DEPDC7: variants seen among roughly 807,000 people sequenced by gnomAD.
DEPDC7 encodes DEP domain containing 7.
A neutral mutation model predicts 56.6 loss-of-function variants in DEPDC7; 41 were observed. The observed-to-expected ratio is 0.72, with a 90% CI of 0.56 to 0.94. DEPDC7 has a LOEUF of 0.94. Among genes scored for constraint, DEPDC7 ranks in the 40% least tolerant of loss-of-function variants. The pLI, the probability that DEPDC7 is intolerant of heterozygous loss-of-function variation, is 0.00. For synonymous variants in DEPDC7, 185 were observed against 208.8 expected (o/e 0.89, Z 0.98); for missense variants, 522 against 596.3 (o/e 0.88, Z 1.30).
intron 8 of DEPDC7, 130 bp downstream of exon 8, chr11:33,033,097 T>C (rs2273538): frequency 0.18 from 164,971 of 937,720 alleles, 15,615 homozygotes; most frequent in East Asian, 0.3. Flanking sequence ...GAGTTATTCA[T>C]ACAAAGCAAC....
At chr11:33,032,860 A>T in intron 7 of DEPDC7, 29 bp from the exon 8 acceptor site, 1 of 1,583,612 alleles carries the variant, frequency 6.3e-7, no homozygotes, top group Non-Finnish European at 8.6e-7. Flanking sequence ...GCATTTGAAT[A>T]ATGTCCCATG....
chr11:33,030,885 G>A (rs1332398969), intron 4 of DEPDC7, among the ~76,000 whole-genome samples: 1 of 152,086 alleles, frequency 6.6e-6, no homozygotes, highest in Non-Finnish European at 1.5e-5. Context: ...CACCAGGCCT[G>A]ATGTGTAATT....
chr11:33,021,257 A>G (rs547967164), intron 1 of DEPDC7, among the ~76,000 whole-genome samples: 1 of 152,094 alleles, frequency 6.6e-6, no homozygotes, highest in Admixed American at 6.6e-5. Flanking sequence ...CTCAAAAAAA[A>G]AAAAAGAAAA....
chr11:33,028,447 T>G (rs559195708), intron 3 of DEPDC7, among the ~76,000 whole-genome samples, 156 bp from the exon 4 acceptor site: 64 of 152,372 alleles, frequency 4.2e-4, no homozygotes, highest in Non-Finnish European at 7.8e-4. Flanking sequence ...AATCTTGGAT[T>G]GTTTTACTTT....
Position 33,033,527 on chromosome 11 carries a change from G to C in DEPDC7, c.*72G>C, listed in dbSNP as rs923331989. ...GTATCCTAAATATCCAATCACATTT[G>C]TAAGCGTGGAAGCTCTAAATTTGAA... On this transcript the variant is annotated 3_prime_UTR_variant, in exon 9 of 9. Transcript: ENST00000241051. 2 of 1,166,026 alleles carry C rather than the reference G, an allele frequency of 1.7e-6. No individual in the cohort carries two copies. Among genetic ancestry groups the C allele is most frequent in the South Asian group, 1.8e-5 (1 of 54,432 alleles). The allele number at this position is 1,166,026 out of a possible 1,614,324, so 72.2% of individuals were successfully genotyped here.
At position 33,015,940 on chromosome 11, in the gene DEPDC7, C is replaced by T. The variant is rs1267652270; in HGVS notation, c.-16C>T. The T allele has an allele frequency of 6.4e-7, 1 of 1,567,856 alleles. No homozygotes were observed. The highest frequency in any genetic ancestry group is 1.2e-5 in the South Asian group (1 of 84,636). On this transcript the variant is annotated 5_prime_UTR_variant, in exon 1 of 9. Coordinates refer to ENST00000241051, the MANE Select transcript of DEPDC7 (RefSeq NM_001077242.2). ...GTGAAGCTGCTGGAGGAGTTGGCGT[C>T]CGGGGAGCAAGGGCCATGGCCACCG...
intron 4 of DEPDC7, among the ~76,000 whole-genome samples, chr11:33,029,988 G>C (rs1853615606): frequency 6.6e-6 from 1 of 151,776 alleles, no homozygotes; most frequent in Non-Finnish European, 1.5e-5. Context: ...TTGAGACAGA[G>C]TCTCTCTGTC....
chr11:33,025,062 A>G (rs966385083), intron 1 of DEPDC7, among the ~76,000 whole-genome samples: 2 of 152,074 alleles, frequency 1.3e-5, no homozygotes, highest in African/African-American at 4.8e-5. Context: ...ACAAGGTCCT[A>G]CTTGATGTGT....
chr11:33,026,142 G>C (rs541433489), intron 2 of DEPDC7, 93 bp downstream of exon 2: 1 of 1,444,672 alleles, frequency 6.9e-7, no homozygotes, highest in East Asian at 2.3e-5. Flanking sequence ...TACATTTTTA[G>C]CAGTAAATGT....
intron 1 of DEPDC7, among the ~76,000 whole-genome samples, chr11:33,017,549 A>G: frequency 6.6e-6 from 1 of 152,156 alleles, no homozygotes. Context: ...GTGGACGGAG[A>G]GGGGCCCGCT....
At chr11:33,025,519 A>G in intron 1 of DEPDC7, 140 bp from the exon 2 acceptor site, 3 of 773,626 alleles carry the variant, frequency 3.9e-6, no homozygotes, top group Non-Finnish European at 6.2e-6. Context: ...TTAAAACAGT[A>G]TTTCAGTAAG....
Position 33,027,667 on chromosome 11 carries a change from T to G in DEPDC7, c.465-19T>G. 1 of 1,476,782 alleles carries G rather than the reference T, an allele frequency of 6.8e-7. No homozygotes were observed. Among genetic ancestry groups the G allele is most frequent in the Non-Finnish European group, 9.0e-7 (1 of 1,116,276 alleles). The allele number at this position is 1,476,782 out of a possible 1,614,324, so 91.5% of individuals were successfully genotyped here. ...TGTGGGCTTAGTAAATGTTCATTTC[T>G]GAAATAAATTCATTTTAGGTATGCA... On this transcript the variant is annotated intron_variant, in intron 2 of 8. Transcript: ENST00000241051.
chr11:33,032,953 C>T lies in DEPDC7; in HGVS notation c.1328C>T (p.Pro443Leu), dbSNP rs762227107. 1.0e-5 allele frequency: 16 copies of T among 1,586,754 alleles called. No homozygotes were observed. The highest frequency in any genetic ancestry group is 1.7e-4 in the Middle Eastern group (1 of 5,966). ...ATGGCCATACAGAACGGAAGAGATC[C>T]AAATAGAGATGCAGGTAATCTGAGA... ...KLMAIQNGRD[P>L]NRDAGYIYCQ... is the part of the protein sequence containing the mutation. Residue 443 changes from proline to leucine, a missense_variant, in exon 8 of 9, where the codon CCA becomes CTA. By Grantham distance (98) the Pro-to-Leu change is moderately conservative (BLOSUM62 -3). Coordinates refer to ENST00000241051, the MANE Select transcript of DEPDC7 (RefSeq NM_001077242.2).
At chr11:33,016,943 T>G (rs1337534570) in intron 1 of DEPDC7, among the ~76,000 whole-genome samples, 4 of 152,210 alleles carry the variant, frequency 2.6e-5, no homozygotes, top group Admixed American at 6.5e-5. Flanking sequence ...GTTCCCTTTC[T>G]GACAAAAGCC....
At chr11:33,018,680 G>T (rs928533914) in intron 1 of DEPDC7, among the ~76,000 whole-genome samples, 5 of 152,120 alleles carry the variant, frequency 3.3e-5, no homozygotes, top group African/African-American at 1.2e-4. Flanking sequence ...TAAAATTTTA[G>T]ATTCACTAAA....
intron 1 of DEPDC7, 155 bp downstream of exon 1, chr11:33,016,183 A>G (rs1239454247): frequency 1.3e-5 from 16 of 1,263,332 alleles, no homozygotes; most frequent in Admixed American, 8.0e-5. Flanking sequence ...CACTTGGCCA[A>G]CGCCCCCGCC....
intron 1 of DEPDC7, among the ~76,000 whole-genome samples, chr11:33,017,059 T>C (rs530222789): frequency 2.0e-5 from 3 of 152,350 alleles, no homozygotes; most frequent in Non-Finnish European, 4.4e-5. Context: ...TCACTAATGC[T>C]CATTTTAATC....
intron 1 of DEPDC7, among the ~76,000 whole-genome samples, chr11:33,025,262 C>T (rs545283759): frequency 6.6e-6 from 1 of 152,298 alleles, no homozygotes; most frequent in South Asian, 2.1e-4. Flanking sequence ...CTTGGTTTTA[C>T]TTGAGTTTCT....
At position 33,025,924 on chromosome 11, in the gene DEPDC7, C is replaced by T. The variant is rs1853573253; in HGVS notation, c.339C>T (p.Thr113=). The change falls in exon 2 of 9, where the codon ACC becomes ACT. Residue 113 remains threonine (T), a synonymous_variant. Transcript: ENST00000241051. ...MDYKVFEAVP[T]KVFGKDKKPT... ...ACAAAGTATTTGAAGCAGTTCCAAC[C>T]AAAGTCTTTGGAAAAGACAAAAAAC... The T allele has an allele frequency of 6.2e-7, 1 of 1,614,050 alleles. No individual in the cohort carries two copies. The highest frequency in any genetic ancestry group is 8.5e-7 in the Non-Finnish European group (1 of 1,179,986).
Sources: allele counts gnomAD v4.1 joint callset (sites outside exome capture counted in the v4.1 genomes callset), GRCh38; gene constraint gnomAD v4.1.1; transcripts MANE v1.5; gene names NCBI Gene and HGNC (gene_info 2026-07-23, HGNC 2026-07-21).